The following PAPPA variants were observed in gnomAD, a reference collection of about 807,000 sequenced individuals.
PAPPA encodes pappalysin 1.
PAPPA carries 60 observed loss-of-function variants against 164.0 expected under a neutral mutation model. The ratio of observed to expected loss-of-function variants is 0.37; its 90% CI spans 0.30 to 0.45. The LOEUF (loss-of-function observed/expected upper bound fraction) is 0.45, where lower values mean the gene tolerates loss of function less well. Ranked by LOEUF, PAPPA falls within the 20% of genes least tolerant of loss-of-function variation. The pLI, the probability that PAPPA is intolerant of heterozygous loss-of-function variation, is 1.00. For missense variants in PAPPA, 1,782 were observed against 2,087.3 expected, an observed-to-expected ratio of 0.85 and a Z score of 2.85; for synonymous variants, 875 against 814.1, an observed-to-expected ratio of 1.07 and a Z score of -1.27.
chr9:116,224,028 A>G (rs1332174992), intron 5 of PAPPA, among the ~76,000 whole-genome samples: 2 of 152,320 alleles, frequency 1.3e-5, no homozygotes, highest in Admixed American at 6.5e-5. Context: ...TAGCTTCTTA[A>G]AAATTCCCTT....
intron 5 of PAPPA, among the ~76,000 whole-genome samples, chr9:116,226,290 G>A (rs184338769): frequency 1.3e-5 from 2 of 152,264 alleles, no homozygotes; most frequent in East Asian, 1.9e-4. Context: ...TCTACTGTCC[G>A]CTGTGTGGAG....
intron 6 of PAPPA, among the ~76,000 whole-genome samples, chr9:116,231,766 C>CT (rs71377228): frequency 5.2e-5 from 3 of 57,524 alleles, no homozygotes; most frequent in African/African-American, 2.0e-4. Flanking sequence ...TTTTCTTTTT[C>CT]TTTTTTTTTT....
At position 116,294,051 on chromosome 9, in the gene PAPPA, G is replaced by C. The variant is rs73654695; in HGVS notation, c.2954-8706G>C. On this transcript the variant is annotated intron_variant, in intron 9 of 21. Transcript: ENST00000328252. The stretch of plus-strand genomic sequence containing the variant: ...ATAAGCTGCTTTGTGAGAAGGGATT[G>C]AGGTGAGGAAGATGCAAAGCCAGTT... 8.2e-3 allele frequency among the ~76,000 whole-genome samples: 1,255 copies of C among 152,328 alleles called. 19 individuals carry two copies. Among genetic ancestry groups the C allele is most frequent in the African/African-American group, 0.029 (1,199 of 41,564 alleles).
At position 116,346,950 on chromosome 9, in the gene PAPPA, C is replaced by T. The variant is rs909535671; in HGVS notation, c.3781-76C>T. 5.4e-6 allele frequency: 7 copies of T among 1,286,586 alleles called. No individual in the cohort carries two copies. In the East Asian group the frequency reaches 1.8e-4, roughly 33 times the overall value. The allele number at this position is 1,286,586 out of a possible 1,614,324, so 79.7% of individuals were successfully genotyped here. On this transcript the variant is annotated intron_variant, in intron 14 of 21. Coordinates refer to ENST00000328252, the MANE Select transcript of PAPPA (RefSeq NM_002581.5). ...GCCTGGGCGAGACTCTGAGCCGTCA[C>T]CTTGGGAAGAAGGGTATTTCTCCAC...
chr9:116,207,712 G>A (rs1844254323), intron 3 of PAPPA, 111 bp downstream of exon 3: 1 of 755,804 alleles, frequency 1.3e-6, no homozygotes, highest in African/African-American at 1.8e-5. Flanking sequence ...TTGTGAGGGT[G>A]AACAACCGAT....
chr9:116,289,410 C>CTAT (rs1564212521), intron 9 of PAPPA, among the ~76,000 whole-genome samples: 25 of 139,928 alleles, frequency 1.8e-4, no homozygotes, highest in African/African-American at 5.8e-4. Context: ...ATATATATAG[C>CTAT]ATATATATAG....
intron 9 of PAPPA, among the ~76,000 whole-genome samples, chr9:116,274,501 T>C (rs900348212): frequency 6.6e-6 from 1 of 152,248 alleles, no homozygotes; most frequent in African/African-American, 2.4e-5. Flanking sequence ...TGTGGGAGGC[T>C]GTGCTGAGGT....
At chr9:116,302,677 C>A in intron 9 of PAPPA, 80 bp from the exon 10 acceptor site, 1 of 1,165,134 alleles carries the variant, frequency 8.6e-7, no homozygotes, top group Non-Finnish European at 1.2e-6. Context: ...GGTGGTCTGA[C>A]TCTGCAGCTG....
chr9:116,194,634 A>G (rs1844082288), intron 2 of PAPPA, among the ~76,000 whole-genome samples: 1 of 152,164 alleles, frequency 6.6e-6, no homozygotes, highest in Admixed American at 6.5e-5. Flanking sequence ...CTCATCTGTA[A>G]TAATTGGGTG....
At chr9:116,396,279 C>A (rs1362126218) in intron 21 of PAPPA, among the ~76,000 whole-genome samples, 1 of 152,160 alleles carries the variant, frequency 6.6e-6, no homozygotes, top group East Asian at 1.9e-4. Flanking sequence ...TTGCCTTACC[C>A]CATAGCAAAT....
At chr9:116,234,056 T>A (rs770168112) in intron 6 of PAPPA, among the ~76,000 whole-genome samples, 4 of 152,020 alleles carry the variant, frequency 2.6e-5, no homozygotes, top group Non-Finnish European at 4.4e-5. Context: ...TTTTAAGGTG[T>A]CTAGTTGGGC....
chr9:116,337,145 T>C (rs1345280417), intron 13 of PAPPA, among the ~76,000 whole-genome samples: 4 of 152,130 alleles, frequency 2.6e-5, no homozygotes, highest in African/African-American at 9.7e-5. Flanking sequence ...AGAGAAGGAA[T>C]TTTCATAACT....
At chr9:116,222,753 G>A (rs1472356165) in intron 5 of PAPPA, among the ~76,000 whole-genome samples, 2 of 152,198 alleles carry the variant, frequency 1.3e-5, no homozygotes, top group African/African-American at 4.8e-5. Context: ...TAGATGGGAG[G>A]AATAAGCTTT....
intron 2 of PAPPA, among the ~76,000 whole-genome samples, chr9:116,197,797 G>T (rs529902850): frequency 2.0e-5 from 3 of 152,160 alleles, no homozygotes; most frequent in Admixed American, 2.0e-4. Flanking sequence ...CTAAGGTTAG[G>T]TGATTTGTAT....
Position 116,207,575 on chromosome 9 carries a change from G to A in PAPPA, c.1598G>A (p.Trp533Ter). The change falls in exon 3 of 22, where the codon TGG (tryptophan) becomes TAG (stop). Residue 533 changes from tryptophan to a stop codon, truncating the protein, a stop_gained. Transcript: ENST00000328252. LOFTEE classifies it high-confidence loss of function. ...EELAGVATWP[W>*]DKEALMHLGG... is the part of the protein sequence containing the mutation. ...TTGGCAGGAGTAGCAACTTGGCCAT[G>A]GGACAAGGAGGCCCTGATGCACTTA... 6.2e-7 allele frequency: 1 copy of A among 1,613,488 alleles called. No homozygotes were observed. The highest frequency in any genetic ancestry group is 8.5e-7 in the Non-Finnish European group (1 of 1,179,630).
intron 7 of PAPPA, among the ~76,000 whole-genome samples, chr9:116,265,052 T>C (rs376474375): frequency 2.0e-4 from 30 of 152,158 alleles, no homozygotes; most frequent in Middle Eastern, 3.4e-3. Context: ...ATGACCCAAC[T>C]TTGCAAGGGG....
chr9:116,353,902 C>A, intron 17 of PAPPA, 109 bp downstream of exon 17: 1 of 722,670 alleles, frequency 1.4e-6, no homozygotes. Context: ...AATCTCTGAT[C>A]CTCATTTTCC....
At chr9:116,344,448 A>T in intron 13 of PAPPA, 95 bp from the exon 14 acceptor site, 2 of 1,284,366 alleles carry the variant, frequency 1.6e-6, no homozygotes, top group Non-Finnish European at 2.2e-6. Context: ...GCCCCCTGAA[A>T]TCTTGGAGAA....
At chr9:116,390,084 G>A (rs893632288) in intron 21 of PAPPA, among the ~76,000 whole-genome samples, 2 of 152,126 alleles carry the variant, frequency 1.3e-5, no homozygotes, top group African/African-American at 4.8e-5. Context: ...GACAGATACT[G>A]TACTAGGCCA....
Sources: gnomAD v4.1 joint callset for allele counts (sites outside exome capture counted in the v4.1 genomes callset) on GRCh38, gnomAD v4.1.1 for gene constraint, MANE v1.5 for transcripts, NCBI Gene and HGNC (gene_info 2026-07-23, HGNC 2026-07-21) for gene names.